IMMP2L: variants seen among roughly 807,000 people sequenced by gnomAD.
The protein encoded by IMMP2L is mitochondrial inner membrane protease subunit 2.
A neutral mutation model predicts 19.3 loss-of-function variants in IMMP2L; 18 were observed. The ratio of observed to expected loss-of-function variants is 0.93; its 90% CI spans 0.64 to 1.38. The LOEUF (loss-of-function observed/expected upper bound fraction) is 1.38. IMMP2L is among the 40% of genes most tolerant of loss of function. The probability of loss-of-function intolerance (pLI) is 0.00; values close to 1 mark genes in which losing one functional copy is unlikely to be tolerated. For missense variants in IMMP2L, 233 were observed against 218.2 expected (o/e 1.07, Z -0.43); for synonymous variants, 76 against 73.0 (o/e 1.04, Z -0.21).
At chr7:111,429,455 A>G (rs1836415168) in intron 3 of IMMP2L, among the ~76,000 whole-genome samples, 1 of 151,842 alleles carries the variant, frequency 6.6e-6, no homozygotes, top group Non-Finnish European at 1.5e-5. Flanking sequence ...AGACCAGGGA[A>G]GCTTCCACAC....
At chr7:110,859,966 C>A (rs1442358865) in intron 5 of IMMP2L, among the ~76,000 whole-genome samples, 5 of 151,970 alleles carry the variant, frequency 3.3e-5, no homozygotes, top group Non-Finnish European at 7.4e-5. Flanking sequence ...TGGACTTAAA[C>A]TGATGTTATA....
chr7:110,907,911 G>A (rs1812642496), intron 4 of IMMP2L, among the ~76,000 whole-genome samples: 1 of 152,134 alleles, frequency 6.6e-6, no homozygotes, highest in Non-Finnish European at 1.5e-5. Context: ...TTCCCAGGGT[G>A]AACAGGTAGA....
At chr7:111,290,863 T>A (rs1272125731) in intron 3 of IMMP2L, among the ~76,000 whole-genome samples, 1 of 148,980 alleles carries the variant, frequency 6.7e-6, no homozygotes, top group Admixed American at 6.7e-5. Flanking sequence ...CACACATATA[T>A]ATATATCTAA....
intron 3 of IMMP2L, among the ~76,000 whole-genome samples, chr7:111,337,592 AG>A (rs2130750588): frequency 6.6e-6 from 1 of 152,186 alleles, no homozygotes; most frequent in Admixed American, 6.6e-5. Context: ...AGATGAGCCA[AG>A]TCTGACCTCA....
intron 5 of IMMP2L, among the ~76,000 whole-genome samples, chr7:110,856,153 G>GT (rs1457709623): frequency 2.3e-4 from 35 of 151,916 alleles, no homozygotes; most frequent in African/African-American, 8.4e-4. Context: ...AAAACTTTCA[G>GT]TAAAAAACAG....
chr7:111,553,105 A>G (rs1306284189), intron 1 of IMMP2L, among the ~76,000 whole-genome samples: 1 of 152,178 alleles, frequency 6.6e-6, no homozygotes, highest in African/African-American at 2.4e-5. Context: ...CAACCATGAG[A>G]TAACAAACAA....
intron 3 of IMMP2L, among the ~76,000 whole-genome samples, chr7:111,038,667 T>A (rs1380714271): frequency 6.6e-6 from 1 of 152,058 alleles, no homozygotes; most frequent in Non-Finnish European, 1.5e-5. Context: ...ATATAATGAA[T>A]AGAAAAGGGA....
At chr7:111,420,828 C>T (rs1003215019) in intron 3 of IMMP2L, among the ~76,000 whole-genome samples, 2 of 151,680 alleles carry the variant, frequency 1.3e-5, no homozygotes, top group African/African-American at 4.9e-5. Context: ...TGGGTTGGTT[C>T]CAAGTCTTTG....
chr7:111,030,916 ATATATATAT>A (rs1563176450), intron 3 of IMMP2L, among the ~76,000 whole-genome samples: 67 of 86,996 alleles, frequency 7.7e-4, no homozygotes, highest in African/African-American at 2.9e-3. Flanking sequence ...ATATATATAT[ATATATATAT>A]AAAATATATA....
chr7:111,087,593 T>C (rs1317436433), intron 3 of IMMP2L, among the ~76,000 whole-genome samples: 3 of 152,122 alleles, frequency 2.0e-5, no homozygotes, highest in Non-Finnish European at 2.9e-5. Context: ...ATGTTAGTGC[T>C]CGACAGATGT....
At chr7:111,281,126 GAA>G in intron 3 of IMMP2L, among the ~76,000 whole-genome samples, 1 of 72,438 alleles carries the variant, frequency 1.4e-5, no homozygotes, top group Non-Finnish European at 2.5e-5. Context: ...GAGAAAGAGA[GAA>G]AGAGAGAAAG....
chr7:111,424,820 C>T (rs1236764760), intron 3 of IMMP2L, among the ~76,000 whole-genome samples: 3 of 151,778 alleles, frequency 2.0e-5, no homozygotes, highest in African/African-American at 4.9e-5. Flanking sequence ...GACTTTGCAA[C>T]TTTTGTAAAA....
At chr7:110,845,715 C>T (rs570026881) in intron 5 of IMMP2L, among the ~76,000 whole-genome samples, 6 of 152,198 alleles carry the variant, frequency 3.9e-5, no homozygotes, top group South Asian at 4.2e-4. Flanking sequence ...CTTAACTTCA[C>T]GATTCCACAT....
At chr7:110,999,100 GC>G (rs1159142156) in intron 3 of IMMP2L, among the ~76,000 whole-genome samples, 1 of 151,944 alleles carries the variant, frequency 6.6e-6, no homozygotes, top group Non-Finnish European at 1.5e-5. Context: ...GTCCTGTGCT[GC>G]CCCCATGTAA....
At chr7:111,526,707 A>G (rs893179585) in intron 1 of IMMP2L, among the ~76,000 whole-genome samples, 6 of 152,276 alleles carry the variant, frequency 3.9e-5, no homozygotes, top group African/African-American at 1.2e-4. Flanking sequence ...CAGGCTATCT[A>G]TATTTCTGGA....
intron 5 of IMMP2L, among the ~76,000 whole-genome samples, chr7:110,696,846 T>C (rs1048109535): frequency 6.6e-6 from 1 of 152,060 alleles, no homozygotes; most frequent in African/African-American, 2.4e-5. Context: ...GATGGGTAAT[T>C]ATGTCATTAG....
At chr7:111,548,869 G>C (rs1386385993) in intron 1 of IMMP2L, among the ~76,000 whole-genome samples, 1 of 152,050 alleles carries the variant, frequency 6.6e-6, no homozygotes, top group Non-Finnish European at 1.5e-5. Context: ...AAGTGCTTTA[G>C]AATCTAGCAT....
rs1034550762 is a variant in IMMP2L at position 110,760,558 on chromosome 7, G to T, written c.409-96837C>A. Among the ~76,000 whole-genome samples the T allele has an allele frequency of 1.1e-4, 17 of 152,090 alleles. No individual in the cohort carries two copies. The highest frequency in any genetic ancestry group is 1.6e-4 in the Non-Finnish European group (11 of 68,010). On this transcript the variant is annotated intron_variant, in intron 5 of 5. Transcript: ENST00000405709. The surrounding 1 kb of genome is among the most constrained non-coding windows in gnomAD (Gnocchi z 4.2). ...GAGTTTTTGTTGTCCCCAACTCCCA[G>T]GAGGGCAACTGCTGGGAAGGAATGA...
chr7:111,417,087 T>C lies in IMMP2L; in HGVS notation c.239+70151A>G, dbSNP rs1226400288. Among the ~76,000 whole-genome samples the C allele has an allele frequency of 3.3e-5, 5 of 151,754 alleles. No homozygotes were observed. The East Asian group carries it at 9.6e-4, about 29-fold the overall frequency. On this transcript the variant is annotated intron_variant, in intron 3 of 5. Coordinates refer to ENST00000405709, the MANE Select transcript of IMMP2L (RefSeq NM_032549.4). ...ACTACCATATTAGGTAGCACAGATA[T>C]AGAAGATTTCTATCATTGAAGAAAC...
Sources: gnomAD v4.1 joint callset for allele counts (sites outside exome capture counted in the v4.1 genomes callset) on GRCh38, gnomAD v4.1.1 for gene constraint, Gnocchi (gnomAD v3.1) non-coding constraint, MANE v1.5 for transcripts, NCBI Gene and HGNC (gene_info 2026-07-23, HGNC 2026-07-21) for gene names.